Variants in DUOX1 observed in about 807,000 individuals in gnomAD.
The protein encoded by DUOX1 is dual oxidase 1.
Under a neutral mutation model 181.8 loss-of-function variants are expected in DUOX1, and 134 were observed. The observed-to-expected ratio is 0.74, with a 90% CI of 0.64 to 0.85. The LOEUF is 0.85. DUOX1 is among the 40% of genes least tolerant of loss of function. DUOX1 has a pLI of 0.00. For missense variants in DUOX1, 1,814 were observed against 2,064.4 expected (o/e 0.88, Z 2.35); for synonymous variants, 798 against 832.5 (o/e 0.96, Z 0.71).
At chr15:45,144,282 G>A (rs546011106) in intron 17 of DUOX1, 47 bp downstream of exon 17, 3 of 1,602,578 alleles carry the variant, frequency 1.9e-6, no homozygotes, top group East Asian at 2.2e-5. Flanking sequence ...CCAAGGCCAG[G>A]GAGGCAGCCA....
Position 45,155,784 on chromosome 15 carries a change from C to T in DUOX1, c.3575-18C>T, listed in dbSNP as rs1380956995. The T allele has an allele frequency of 6.2e-7, 1 of 1,612,950 alleles. No individual in the cohort carries two copies. The highest frequency in any genetic ancestry group is 8.5e-7 in the Non-Finnish European group (1 of 1,179,990). ...AAGGCACTGATCTTCTGCCTTCCAC[C>T]CTATATTCATTTTGCAGGCCTCACG... is the stretch of plus-strand genomic sequence containing the variant. On this transcript the variant is annotated intron_variant, in intron 27 of 33. Transcript: ENST00000389037.
rs1567014913 is a variant in DUOX1, at chr15:45,147,558, G to A, written c.2448G>A (p.Gln816=). 1 of 1,614,134 alleles carries A rather than the reference G, an allele frequency of 6.2e-7. No individual in the cohort carries two copies. Among genetic ancestry groups the A allele is most frequent in the East Asian group, 2.2e-5 (1 of 44,888 alleles). Reference sequence around the variant, plus strand: ...CCGAGTCCCTGGGCCTCAAGCCCCAGGACATGTTTGTGGAGTCCATGTTCT... The same window carrying A: ...CCGAGTCCCTGGGCCTCAAGCCCCAAGACATGTTTGTGGAGTCCATGTTCT... ...EFAESLGLKP[Q]DMFVESMFSL... The change falls in exon 19 of 34, where the codon CAG becomes CAA. Residue 816 remains glutamine (Q), a synonymous_variant. Coordinates refer to ENST00000389037, the MANE Select transcript of DUOX1 (RefSeq NM_175940.3).
chr15:45,156,896 T>C (rs547069577), intron 28 of DUOX1, among the ~76,000 whole-genome samples: 13 of 152,308 alleles, frequency 8.5e-5, no homozygotes, highest in Non-Finnish European at 1.8e-4. Flanking sequence ...TCTGTGTCCC[T>C]GTGTTGTGGC....
rs767976328 is a variant in DUOX1, at chr15:45,154,008, C to T, written c.3574+8C>T. 10 of 1,613,336 alleles carry T rather than the reference C, an allele frequency of 6.2e-6. No individual in the cohort carries two copies. The highest frequency in any genetic ancestry group is 8.5e-6 in the Non-Finnish European group (10 of 1,179,320). On this transcript the variant is annotated splice_region_variant and intron_variant, in intron 27 of 33. Coordinates refer to ENST00000389037, the MANE Select transcript of DUOX1 (RefSeq NM_175940.3). Reference sequence around the variant, plus strand: ...TCTTCCAGACCGTACCAGGTGAGAACCCTCCTTGATCCATGAATTTCTGGA... The same window carrying T: ...TCTTCCAGACCGTACCAGGTGAGAATCCTCCTTGATCCATGAATTTCTGGA...
At chr15:45,148,537 T>A in intron 21 of DUOX1, 90 bp downstream of exon 21, 2 of 1,381,200 alleles carry the variant, frequency 1.4e-6, no homozygotes, top group Non-Finnish European at 9.7e-7. Flanking sequence ...AGAAATGTTT[T>A]AATTTCCATT....
In DUOX1 at chr15:45,144,982, G is replaced by A; in HGVS notation, c.2224G>A (p.Glu742Lys). Residue 742 changes from glutamate to lysine, a missense_variant, in exon 18 of 34, where the codon GAG becomes AAG. Physicochemically the swap from Glu to Lys is moderately conservative, Grantham distance 56. Transcript: ENST00000389037. ...GAAGGAGAGCGGGTTGAGCATCCAG[G>A]AGTGGGAGCTGCGGGAGCAGGAGCT... ...ALKESGLSIQ[E>K]WELREQELMR... is the part of the protein sequence containing the mutation. 1 of 1,614,038 alleles carries A rather than the reference G, an allele frequency of 6.2e-7. No homozygotes were observed. The highest frequency in any genetic ancestry group is 1.1e-5 in the South Asian group (1 of 91,076).
At chr15:45,131,400 A>T in intron 1 of DUOX1, 1 of 156,668 alleles carries the variant, frequency 6.4e-6, no homozygotes, top group Non-Finnish European at 1.4e-5. Flanking sequence ...TTTGAATTAA[A>T]CCTCCTTCTC....
At chr15:45,138,848 T>C in intron 10 of DUOX1, 1 of 552,026 alleles carries the variant, frequency 1.8e-6, no homozygotes, top group South Asian at 2.5e-5. Flanking sequence ...AGATCCCTTG[T>C]GCTTGTATAG....
chr15:45,144,987 G>A lies in DUOX1; in HGVS notation c.2229G>A (p.Trp743Ter), dbSNP rs146420606. Residue 743 changes from tryptophan to a stop codon, truncating the protein, a stop_gained, in exon 18 of 34, where the codon TGG becomes TGA. Transcript: ENST00000389037. LOFTEE classifies it high-confidence loss of function. ...LKESGLSIQE[W>*]ELREQELMRA... ...AGAGCGGGTTGAGCATCCAGGAGTG[G>A]GAGCTGCGGGAGCAGGAGCTGATGA... 1.5e-5 allele frequency: 25 copies of A among 1,614,032 alleles called. No individual in the cohort carries two copies. The highest frequency in any genetic ancestry group is 2.0e-5 in the Non-Finnish European group (24 of 1,180,036).
At chr15:45,139,631 C>T (rs571894249) in intron 12 of DUOX1, 32 bp downstream of exon 12, 36 of 771,710 alleles carry the variant, frequency 4.7e-5, no homozygotes, top group African/African-American at 5.5e-5. Flanking sequence ...GAGGGTAGGG[C>T]GGGAGGGACA....
chr15:45,151,936 G>A lies in DUOX1; in HGVS notation c.3077G>A (p.Cys1026Tyr), dbSNP rs753081994. Residue 1026 changes from cysteine to tyrosine, a missense_variant, in exon 24 of 34, where the codon TGT becomes TAT. Physicochemically the swap from Cys to Tyr is radical, Grantham distance 194. Around this residue, in one of 5 missense-constraint regions of DUOX1, gnomAD observed 1,064 missense variants for 1,152.9 expected, o/e 0.92. Coordinates refer to ENST00000389037, the MANE Select transcript of DUOX1 (RefSeq NM_175940.3). Reference sequence around the variant, plus strand: ...CACCGAGAGAAGTTCCAACGCAGCTGTCTCCACCAGACGGTGCAACAGTTC... The same window carrying A: ...CACCGAGAGAAGTTCCAACGCAGCTATCTCCACCAGACGGTGCAACAGTTC... ...EAHREKFQRS[C>Y]LHQTVQQFKR... 1.2e-6 allele frequency: 2 copies of A among 1,614,026 alleles called. No individual in the cohort carries two copies. Among genetic ancestry groups the A allele is most frequent in the Admixed American group, 1.7e-5 (1 of 60,010 alleles).
In DUOX1 at chr15:45,155,674, A is replaced by G; in HGVS notation, c.3575-128A>G. On this transcript the variant is annotated intron_variant, in intron 27 of 33. Coordinates refer to ENST00000389037, the MANE Select transcript of DUOX1 (RefSeq NM_175940.3). ...ATCAGTGGTGTTGGGGGAGAGGACC[A>G]GAGGAGAATGCTGGGACATTCTTAC... 3 of 1,337,076 alleles carry G rather than the reference A, an allele frequency of 2.2e-6. No homozygotes were observed. In the South Asian group the frequency reaches 4.0e-5, roughly 18 times the overall value. The allele number at this position is 1,337,076 out of a possible 1,614,324, so 82.8% of individuals were successfully genotyped here. A position where few individuals can be genotyped will look rare whatever the true frequency, so the allele number is the denominator to read the frequency against.
At chr15:45,131,681 T>G in intron 1 of DUOX1, 2 of 457,178 alleles carry the variant, frequency 4.4e-6, no homozygotes, top group Non-Finnish European at 7.9e-6. Flanking sequence ...CAGGGATTTC[T>G]GTTTGTTTTG....
Position 45,162,522 on chromosome 15 carries a change from G to A in DUOX1, c.4248+145G>A, listed in dbSNP as rs1706811. On this transcript the variant is annotated intron_variant, in intron 31 of 33. Coordinates refer to ENST00000389037, the MANE Select transcript of DUOX1 (RefSeq NM_175940.3). The stretch of plus-strand genomic sequence containing the variant: ...GGTTTGAAACCTGGGGTTGGGTGGT[G>A]AGTGGGGTGGTATCAGGATATCCCT... 0.49 allele frequency: 505,518 copies of A among 1,033,738 alleles called. 135,986 individuals carry two copies. Among genetic ancestry groups the A allele is most frequent in the Non-Finnish European group, 0.56 (407,569 of 722,054 alleles). 64.0% of individuals were successfully genotyped at this position (1,033,738 alleles called of 1,614,324 possible).
At chr15:45,145,905 A>C (rs1476228440) in intron 18 of DUOX1, among the ~76,000 whole-genome samples, 1 of 144,804 alleles carries the variant, frequency 6.9e-6, no homozygotes, top group African/African-American at 2.7e-5. Context: ...ACAGAGTAAG[A>C]CTCCATCTCA....
chr15:45,143,158 G>T (rs765512371), intron 15 of DUOX1, 32 bp from the exon 16 acceptor site: 33 of 1,575,940 alleles, frequency 2.1e-5, no homozygotes, highest in Non-Finnish European at 2.8e-5. Flanking sequence ...AGACCCCCAC[G>T]TCTCCCTGAA....
At chr15:45,152,202 G>A in intron 24 of DUOX1, 84 bp from the exon 25 acceptor site, 1 of 1,475,442 alleles carries the variant, frequency 6.8e-7, no homozygotes. Flanking sequence ...GTTGTGAGTG[G>A]CAGCCGGCCA....
intron 1 of DUOX1, among the ~76,000 whole-genome samples, chr15:45,131,112 C>T (rs1896125586): frequency 6.6e-6 from 1 of 152,180 alleles, no homozygotes; most frequent in Non-Finnish European, 1.5e-5. Context: ...ATGAGGCTTT[C>T]CCTGAGCTCC....
In DUOX1 at chr15:45,131,473, G is replaced by A. The variant is rs561533706; in HGVS notation, c.-49-445G>A. On this transcript the variant is annotated intron_variant, in intron 1 of 33. Coordinates refer to ENST00000389037, the MANE Select transcript of DUOX1 (RefSeq NM_175940.3). The stretch of plus-strand genomic sequence containing the variant: ...TTCAGGCATATTTGCTCCCATAGCT[G>A]GAAGAGGAAAACAAGGATCAGATTG... 5 of 163,824 alleles carry A rather than the reference G, an allele frequency of 3.1e-5. No homozygotes were observed. In the South Asian group the frequency reaches 8.2e-4, roughly 27 times the overall value. The allele number at this position is 163,824 out of a possible 1,614,324, so 10.1% of individuals were successfully genotyped here.
Sources: allele counts gnomAD v4.1 joint callset (sites outside exome capture counted in the v4.1 genomes callset), GRCh38; gene constraint gnomAD v4.1.1; regional missense constraint gnomAD v4.1.1; transcripts MANE v1.5; gene names NCBI Gene and HGNC (gene_info 2026-07-23, HGNC 2026-07-21).